Variants in COA1 observed in about 807,000 individuals in gnomAD.
COA1 encodes the protein cytochrome c oxidase assembly factor 1 homolog.
Under a neutral mutation model 16.0 loss-of-function variants are expected in COA1, and 13 were observed. The ratio of observed to expected loss-of-function variants is 0.81; its 90% CI spans 0.53 to 1.29. The LOEUF (loss-of-function observed/expected upper bound fraction) is 1.29. Among genes scored for constraint, COA1 ranks in the 50% most tolerant of loss-of-function variants. The pLI, the probability that COA1 is intolerant of heterozygous loss-of-function variation, is 0.00. For missense variants in COA1, 179 were observed against 177.0 expected (o/e 1.01, Z -0.06); for synonymous variants, 65 against 65.7 (o/e 0.99, Z 0.05).
chr7:43,623,997 A>G, intron 6 of COA1: 1 of 712,562 alleles, frequency 1.4e-6, no homozygotes, highest in Non-Finnish European at 2.0e-6. Context: ...AAAATAGTTC[A>G]ACTTCTAAAA....
chr7:43,700,212 G>A (rs984854873), intron 1 of COA1, among the ~76,000 whole-genome samples: 4 of 151,908 alleles, frequency 2.6e-5, no homozygotes, highest in South Asian at 2.1e-4. Context: ...ACAATCATAC[G>A]TATGGAAAAA....
chr7:43,669,920 G>A (rs540744696), intron 1 of COA1, among the ~76,000 whole-genome samples: 99 of 152,118 alleles, frequency 6.5e-4, no homozygotes, highest in Non-Finnish European at 1.2e-3. Flanking sequence ...GACAGAATGA[G>A]GGCTGAAATT....
chr7:43,635,004 G>A (rs1047876204), downstream of COA1, among the ~76,000 whole-genome samples: 1 of 152,158 alleles, frequency 6.6e-6, no homozygotes, highest in Non-Finnish European at 1.5e-5. Flanking sequence ...GGAAGTCCAG[G>A]CTGCACTTAG....
chr7:43,640,489 A>T, intron 5 of COA1, 84 bp downstream of exon 5: 1 of 977,022 alleles, frequency 1.0e-6, no homozygotes, highest in Non-Finnish European at 1.6e-6. Flanking sequence ...CAGTAATTTA[A>T]CAACAAATGA....
intron 6 of COA1, chr7:43,623,683 T>C: frequency 6.2e-7 from 1 of 1,601,354 alleles, no homozygotes; most frequent in Non-Finnish European, 8.5e-7. Flanking sequence ...GTACTAAATT[T>C]TTCTTGCATT....
intron 1 of COA1, among the ~76,000 whole-genome samples, chr7:43,723,903 G>A (rs2095559313): frequency 6.6e-6 from 1 of 152,116 alleles, no homozygotes; most frequent in Non-Finnish European, 1.5e-5. Flanking sequence ...CTCCAGCCTG[G>A]GTGACAAAGT....
intron 1 of COA1, among the ~76,000 whole-genome samples, chr7:43,723,836 A>T (rs997886988): frequency 6.6e-6 from 1 of 152,180 alleles, no homozygotes; most frequent in African/African-American, 2.4e-5. Flanking sequence ...CTAAAGCAGG[A>T]GGATCACTTG....
intron 1 of COA1, among the ~76,000 whole-genome samples, chr7:43,710,375 A>AAAAAAAAAAAT (rs761592421): frequency 5.5e-5 from 2 of 36,432 alleles, no homozygotes; most frequent in Non-Finnish European, 9.4e-5. Context: ...AAAAAAAAAA[A>AAAAAAAAAAAT]ATATATATAT....
intron 1 of COA1, among the ~76,000 whole-genome samples, chr7:43,685,529 C>A (rs1168203164): frequency 6.6e-6 from 1 of 152,118 alleles, no homozygotes; most frequent in Non-Finnish European, 1.5e-5. Context: ...AGTTGGGGAG[C>A]TATTCCAAAC....
At chr7:43,669,796 A>G (rs2093143934) in intron 1 of COA1, among the ~76,000 whole-genome samples, 1 of 151,836 alleles carries the variant, frequency 6.6e-6, no homozygotes, top group African/African-American at 2.4e-5. Flanking sequence ...ATCACATCAA[A>G]TAACTTTACC....
At chr7:43,698,040 AGAAAG>A (rs1351862673) in intron 1 of COA1, among the ~76,000 whole-genome samples, 1 of 152,246 alleles carries the variant, frequency 6.6e-6, no homozygotes, top group East Asian at 1.9e-4. Context: ...TACCAAAACC[AGAAAG>A]CGCCTATGTT....
chr7:43,710,941 G>C (rs1214562666), intron 1 of COA1, among the ~76,000 whole-genome samples: 1 of 151,800 alleles, frequency 6.6e-6, no homozygotes, highest in Non-Finnish European at 1.5e-5. Flanking sequence ...AATGTAGCAA[G>C]TCACATGGAA....
chr7:43,658,258 C>T (rs1584548611), intron 1 of COA1, among the ~76,000 whole-genome samples: 1 of 151,072 alleles, frequency 6.6e-6, no homozygotes, highest in South Asian at 2.1e-4. Context: ...CACCGGGAGG[C>T]GGAGGCAGGA....
intron 1 of COA1, among the ~76,000 whole-genome samples, chr7:43,697,308 T>G (rs2094561936): frequency 6.6e-6 from 1 of 152,064 alleles, no homozygotes; most frequent in African/African-American, 2.4e-5. Flanking sequence ...TTATTTATTT[T>G]TGAGACAGAA....
At chr7:43,718,209 T>A (rs2095433992) in intron 1 of COA1, among the ~76,000 whole-genome samples, 1 of 152,236 alleles carries the variant, frequency 6.6e-6, no homozygotes, top group Admixed American at 6.5e-5. Context: ...TTATTATTTA[T>A]TTGTAAGAAT....
At chr7:43,624,007 A>G in intron 6 of COA1, 1 of 680,886 alleles carries the variant, frequency 1.5e-6, no homozygotes, top group Admixed American at 4.0e-5. Context: ...AACTTCTAAA[A>G]CACCATAATG....
intron 6 of COA1, chr7:43,619,850 T>C: frequency 7.9e-7 from 1 of 1,261,990 alleles, no homozygotes; most frequent in Non-Finnish European, 1.1e-6. Flanking sequence ...ATCAGAGATC[T>C]ATTCCTTTGG....
intron 1 of COA1, chr7:43,649,711 A>G (rs1268481943): frequency 5.3e-5 from 8 of 152,292 alleles, no homozygotes; most frequent in African/African-American, 1.9e-4. Flanking sequence ...GTAGGGCACC[A>G]TGCACATTAG....
intron 6 of COA1, among the ~76,000 whole-genome samples, chr7:43,633,677 G>A (rs1397488895): frequency 4.6e-5 from 7 of 152,088 alleles, no homozygotes; most frequent in Admixed American, 3.3e-4. Flanking sequence ...CTCGACAGTC[G>A]CCACAAACCC....
Sources: gnomAD v4.1 joint callset for allele counts (sites outside exome capture counted in the v4.1 genomes callset) on GRCh38, gnomAD v4.1.1 for gene constraint, MANE v1.5 for transcripts, NCBI Gene and HGNC (gene_info 2026-07-23, HGNC 2026-07-21) for gene names.